Variants in CFAP46 observed in about 807,000 individuals in gnomAD.
The protein encoded by CFAP46 is cilia- and flagella-associated protein 46.
A neutral mutation model predicts 325.7 loss-of-function variants in CFAP46; 245 were observed. That is an observed-to-expected ratio of 0.75 (90% CI 0.68 to 0.84). The LOEUF (loss-of-function observed/expected upper bound fraction) is 0.84. CFAP46 is among the 40% of genes least tolerant of loss of function. The probability of loss-of-function intolerance (pLI) is 0.00; values close to 1 mark genes in which losing one functional copy is unlikely to be tolerated. For missense variants in CFAP46, 3,346 were observed against 3,543.0 expected, an observed-to-expected ratio of 0.94 and a Z score of 1.41; for synonymous variants, 1,523 against 1,495.9, an observed-to-expected ratio of 1.02 and a Z score of -0.42.
intron 23 of CFAP46, 114 bp from the exon 24 acceptor site, chr10:132,899,235 C>T: frequency 1.7e-6 from 2 of 1,203,922 alleles, no homozygotes; most frequent in Non-Finnish European, 2.3e-6. Flanking sequence ...CTCGCTCCCT[C>T]CTGGGCATGT....
chr10:132,852,177 A>G (rs144055628), intron 39 of CFAP46, among the ~76,000 whole-genome samples: 6 of 108,800 alleles, frequency 5.5e-5, no homozygotes, highest in Admixed American at 5.1e-4. Flanking sequence ...TTTACTTAAG[A>G]ATTCTCAGAT....
intron 50 of CFAP46, among the ~76,000 whole-genome samples, chr10:132,815,371 T>C (rs1847673556): frequency 6.6e-6 from 1 of 152,328 alleles, no homozygotes; most frequent in East Asian, 1.9e-4. Context: ...TCTGTGTGCC[T>C]ATGCTGGGGC....
At chr10:132,841,917 C>T (rs374248150) in intron 44 of CFAP46, among the ~76,000 whole-genome samples, 2 of 152,174 alleles carry the variant, frequency 1.3e-5, no homozygotes, top group African/African-American at 2.4e-5. Flanking sequence ...GGGAGGGCAG[C>T]CTTGAGGATC....
intron 50 of CFAP46, among the ~76,000 whole-genome samples, chr10:132,821,119 CTG>C (rs1432259220): frequency 9.1e-5 from 5 of 54,952 alleles, no homozygotes; most frequent in Admixed American, 3.3e-4. Flanking sequence ...CTGATGTGTG[CTG>C]TGTGTGTGCT....
At chr10:132,922,389 C>A in intron 12 of CFAP46, 91 bp downstream of exon 12, 1 of 1,451,022 alleles carries the variant, frequency 6.9e-7, no homozygotes. Context: ...CAGCCCTGGG[C>A]GGCTCCCGCC....
intron 9 of CFAP46, among the ~76,000 whole-genome samples, chr10:132,927,584 T>C (rs1849831477): frequency 6.6e-6 from 1 of 152,202 alleles, no homozygotes; most frequent in Non-Finnish European, 1.5e-5. Flanking sequence ...GCTGCAAGCC[T>C]CCATGCCACT....
chr10:132,931,488 TC>T (rs2135691112), intron 8 of CFAP46, among the ~76,000 whole-genome samples: 1 of 126,580 alleles, frequency 7.9e-6, no homozygotes. Context: ...GCCTTCCTCC[TC>T]TCTACACAGA....
At chr10:132,888,734 A>ACCTTCACCCCTGCCG (rs1849212845) in intron 25 of CFAP46, among the ~76,000 whole-genome samples, 1 of 81,640 alleles carries the variant, frequency 1.2e-5, no homozygotes, top group African/African-American at 4.7e-5. Flanking sequence ...TGCACCTGCC[A>ACCTTCACCCCTGCCG]CCTTCACCCC....
chr10:132,941,559 G>A (rs1850101373), intron 3 of CFAP46, 32 bp downstream of exon 3: 2 of 1,601,270 alleles, frequency 1.2e-6, no homozygotes, highest in Non-Finnish European at 1.7e-6. Flanking sequence ...AAATTGAACT[G>A]TTGGGGATAA....
rs371159931 is a variant in CFAP46, at chr10:132,909,987, C to T, written c.2581G>A (p.Ala861Thr). 35 of 1,543,016 alleles carry T rather than the reference C, an allele frequency of 2.3e-5. No individual in the cohort carries two copies. Among genetic ancestry groups the T allele is most frequent in the Middle Eastern group, 1.7e-4 (1 of 5,874 alleles). ...AGCTGCTTGGCCTTGACCCAGGTGG[C>T]GATAAGCTGCTGCCGGGTGCCGGTG... Reference protein sequence around the residue: ...VPTGTRQQLIATWVKAKQLLQ... With the variant: ...VPTGTRQQLITTWVKAKQLLQ... The change falls in exon 20 of 58, where the codon GCC becomes ACC. Residue 861 changes from alanine to threonine, a missense_variant. By Grantham distance (58) the Ala-to-Thr change is moderately conservative (BLOSUM62 0). Transcript: ENST00000368586.
At chr10:132,912,539 T>TCCTCTCTCTCTCTCTTCA in intron 19 of CFAP46, 116 bp downstream of exon 19, 1 of 697,064 alleles carries the variant, frequency 1.4e-6, no homozygotes, top group Non-Finnish European at 2.0e-6. Flanking sequence ...CTCTCTCCTC[T>TCCTCTCTCTCTCTCTTCA]CCTCTCTCTC....
rs982079353 is a variant in CFAP46 at position 132,917,475 on chromosome 10, G to A, written c.1987-793C>T. ...CGAGCCCGGGAGTCTCTGAGCCTGCGTGGGAGGAACAGGCCTGGCGGCCCC... is the reference window on the plus strand; with the variant it reads ...CGAGCCCGGGAGTCTCTGAGCCTGCATGGGAGGAACAGGCCTGGCGGCCCC... On this transcript the variant is annotated intron_variant, in intron 16 of 57. Transcript: ENST00000368586. Among the ~76,000 whole-genome samples, 37 of 152,348 alleles carry A rather than the reference G, an allele frequency of 2.4e-4. 1 individual carries two copies. The highest frequency in any genetic ancestry group is 8.2e-4 in the African/African-American group (34 of 41,570).
At chr10:132,841,726 C>T (rs1037987805) in intron 44 of CFAP46, among the ~76,000 whole-genome samples, 1 of 152,228 alleles carries the variant, frequency 6.6e-6, no homozygotes, top group Non-Finnish European at 1.5e-5. Context: ...GCCACACCTT[C>T]TTGAGCTGTG....
rs1192251392 is a variant in CFAP46, at chr10:132,808,548, C to T, written c.8021G>A (p.Gly2674Asp). Residue 2674 changes from glycine to aspartate, a missense_variant, in exon 58 of 58, where the codon GGT becomes GAT. Physicochemically the swap from Gly to Asp is moderately conservative, Grantham distance 94. Transcript: ENST00000368586. The surrounding 1 kb of genome is among the most constrained non-coding windows in gnomAD (Gnocchi z 6.8). ...SSSACLCAPW[G>D]LRRGWSCVSS... Reference sequence around the variant, plus strand: ...GACGCAGCTCCAGCCCCGACGCAGACCCCATGGCGCACACAGGCAGGCAGA... The same window carrying T: ...GACGCAGCTCCAGCCCCGACGCAGATCCCATGGCGCACACAGGCAGGCAGA... 6.2e-7 allele frequency: 1 copy of T among 1,612,876 alleles called. No homozygotes were observed. The highest frequency in any genetic ancestry group is 1.3e-5 in the African/African-American group (1 of 74,932).
chr10:132,936,155 C>A (rs1591101588), intron 7 of CFAP46, among the ~76,000 whole-genome samples: 1 of 96,202 alleles, frequency 1.0e-5, no homozygotes, highest in Non-Finnish European at 2.0e-5. Flanking sequence ...TCCCCCCGGC[C>A]CCCAAATACA....
chr10:132,851,861 T>C (rs113198156), intron 39 of CFAP46, among the ~76,000 whole-genome samples: 1 of 130,136 alleles, frequency 7.7e-6, no homozygotes, highest in African/African-American at 2.9e-5. Context: ...TGTTCCTCCA[T>C]TTACTTAGGA....
At chr10:132,820,959 T>G (rs1847796112) in intron 50 of CFAP46, among the ~76,000 whole-genome samples, 2 of 82,570 alleles carry the variant, frequency 2.4e-5, no homozygotes, top group African/African-American at 4.6e-5. Context: ...TGTGTGCTGA[T>G]GTGTGCTGTG....
chr10:132,860,427 G>T lies in CFAP46; in HGVS notation c.5188C>A (p.Leu1730Ile). 1 of 1,549,960 alleles carries T rather than the reference G, an allele frequency of 6.5e-7. No homozygotes were observed. Among genetic ancestry groups the T allele is most frequent in the Non-Finnish European group, 8.7e-7 (1 of 1,145,928 alleles). Residue 1730 changes from leucine to isoleucine, a missense_variant, in exon 37 of 58, where the codon CTA becomes ATA. Leu to Ile is a conservative substitution (Grantham distance 5). Transcript: ENST00000368586. ...CTTACAAAGAGTTACCTGGCTTCTA[G>T]ATCTGTGATCATGAATTCCAGTAAA... ...LPLLEFMITD[L>I]EARCLSLRVR...
chr10:132,816,592 C>T (rs1327053030), intron 50 of CFAP46, among the ~76,000 whole-genome samples: 1 of 152,152 alleles, frequency 6.6e-6, no homozygotes, highest in Non-Finnish European at 1.5e-5. Flanking sequence ...CTTGGCCTCC[C>T]AAAGTTCTGG....
Sources: allele counts gnomAD v4.1 joint callset (sites outside exome capture counted in the v4.1 genomes callset), GRCh38; gene constraint gnomAD v4.1.1; non-coding constraint Gnocchi (gnomAD v3.1); transcripts MANE v1.5; gene names NCBI Gene and HGNC (gene_info 2026-07-23, HGNC 2026-07-21).